Variants in ITPR2 observed in about 807,000 individuals in gnomAD.
The protein encoded by ITPR2 is inositol 1,4,5-trisphosphate receptor type 2.
In ITPR2, 207 loss-of-function variants were observed where a neutral mutation model predicts 317.1. The observed-to-expected ratio is 0.65, with a 90% CI of 0.58 to 0.73. ITPR2 has a LOEUF of 0.73. ITPR2 is among the 30% of genes least tolerant of loss of function. The pLI, the probability that ITPR2 is intolerant of heterozygous loss-of-function variation, is 0.00. For synonymous variants in ITPR2, 1,156 were observed against 1,149.1 expected (o/e 1.01, Z -0.12); for missense variants, 2,613 against 3,284.0 (o/e 0.80, Z 4.99).
intron 37 of ITPR2, among the ~76,000 whole-genome samples, chr12:26,545,234 G>T (rs903452824): frequency 1.3e-5 from 2 of 152,130 alleles, no homozygotes; most frequent in Admixed American, 1.3e-4. Flanking sequence ...TGCCAAAAGG[G>T]ATTCGGCAGG....
At chr12:26,355,738 T>A (rs1376783149) in intron 55 of ITPR2, among the ~76,000 whole-genome samples, 1 of 152,184 alleles carries the variant, frequency 6.6e-6, no homozygotes, top group East Asian at 1.9e-4. Context: ...TTTTTTCCCC[T>A]CAGTCTTTCA....
intron 37 of ITPR2, among the ~76,000 whole-genome samples, chr12:26,530,825 T>G (rs568566740): frequency 6.6e-6 from 1 of 152,362 alleles, no homozygotes; most frequent in African/African-American, 2.4e-5. Context: ...TTTCTCATTT[T>G]GAGTTGTCTT....
intron 55 of ITPR2, among the ~76,000 whole-genome samples, chr12:26,382,484 G>A (rs1362094947): frequency 1.9e-4 from 29 of 152,150 alleles, no homozygotes; most frequent in Admixed American, 1.8e-3. Flanking sequence ...GGCCAATGTG[G>A]TGAAACCCTG....
intron 13 of ITPR2, among the ~76,000 whole-genome samples, chr12:26,666,966 A>AT (rs922807551): frequency 6.6e-6 from 1 of 152,212 alleles, no homozygotes; most frequent in Admixed American, 6.5e-5. Flanking sequence ...GGGTCAAGGC[A>AT]TTTTTTAAAT....
intron 55 of ITPR2, among the ~76,000 whole-genome samples, chr12:26,361,077 T>C (rs933651767): frequency 2.0e-5 from 3 of 151,934 alleles, no homozygotes; most frequent in African/African-American, 7.3e-5. Context: ...TAGCTGGGCA[T>C]GGTAGCGAGC....
chr12:26,757,486 G>A (rs1007908456), intron 2 of ITPR2, among the ~76,000 whole-genome samples: 4 of 152,096 alleles, frequency 2.6e-5, no homozygotes, highest in Non-Finnish European at 4.4e-5. Flanking sequence ...AAAGTGCTAG[G>A]ATTACAGGCA....
chr12:26,436,409 G>C (rs1178031687), intron 47 of ITPR2, 63 bp from the exon 48 acceptor site: 2 of 1,454,938 alleles, frequency 1.4e-6, no homozygotes, highest in African/African-American at 2.9e-5. Flanking sequence ...AACACATGAA[G>C]CTTACCAAAA....
chr12:26,441,504 T>C (rs117337823), intron 46 of ITPR2, among the ~76,000 whole-genome samples: 2 of 152,182 alleles, frequency 1.3e-5, no homozygotes, highest in Non-Finnish European at 2.9e-5. Context: ...ACTAACAGAA[T>C]AACCAAACTG....
At chr12:26,787,095 G>A (rs1353735359) in intron 2 of ITPR2, among the ~76,000 whole-genome samples, 1 of 152,244 alleles carries the variant, frequency 6.6e-6, no homozygotes, top group Non-Finnish European at 1.5e-5. Context: ...GCAAAAGGAT[G>A]AGGCACTTGG....
intron 2 of ITPR2, among the ~76,000 whole-genome samples, chr12:26,788,991 C>G (rs1950301781): frequency 6.6e-6 from 1 of 152,150 alleles, no homozygotes; most frequent in South Asian, 2.1e-4. Flanking sequence ...CTACGTGTCC[C>G]CTCAAGGTAG....
rs1211818972 is a variant in ITPR2 at position 26,622,340 on chromosome 12, T to A, written c.3188A>T (p.His1063Leu). Reference protein sequence around the residue: ...GGRTFLRVLIHLIMHDYPPLL... With the variant: ...GGRTFLRVLILLIMHDYPPLL... ...AGGCGGGTAGTCGTGCATGATCAGA[T>A]GAATGAGGACCCGTAAAAACGTCCT... is the stretch of plus-strand genomic sequence containing the variant. The change falls in exon 25 of 57, where the codon CAT becomes CTT. Residue 1063 changes from histidine (H) to leucine (L), a missense_variant. His to Leu is a moderately conservative substitution (Grantham distance 99). Coordinates refer to ENST00000381340, the MANE Select transcript of ITPR2 (RefSeq NM_002223.4). 1.9e-6 allele frequency: 3 copies of A among 1,614,014 alleles called. No individual in the cohort carries two copies. In the Admixed American group the frequency reaches 5.0e-5, roughly 27 times the overall value.
chr12:26,406,229 T>A (rs768233911), intron 52 of ITPR2, among the ~76,000 whole-genome samples: 1 of 152,068 alleles, frequency 6.6e-6, no homozygotes, highest in Non-Finnish European at 1.5e-5. Context: ...AAGTAAAATA[T>A]CCAAACATAT....
At chr12:26,753,503 G>A (rs1214592753) in intron 2 of ITPR2, among the ~76,000 whole-genome samples, 1 of 152,160 alleles carries the variant, frequency 6.6e-6, no homozygotes, top group Non-Finnish European at 1.5e-5. Flanking sequence ...ACTTTTCAGT[G>A]TCACTGCAGT....
At chr12:26,534,746 G>C (rs1238866823) in intron 37 of ITPR2, among the ~76,000 whole-genome samples, 1 of 152,194 alleles carries the variant, frequency 6.6e-6, no homozygotes, top group Non-Finnish European at 1.5e-5. Context: ...ATTGTCCCTA[G>C]TTTAGATGCT....
chr12:26,665,982 A>G lies in ITPR2; in HGVS notation c.1479T>C (p.Val493=). 2 of 1,613,812 alleles carry G rather than the reference A, an allele frequency of 1.2e-6. No homozygotes were observed. The highest frequency in any genetic ancestry group is 1.7e-6 in the Non-Finnish European group (2 of 1,179,694). ...TTGGCTTAGTGATAACCACATCCAGAACTTCTTGTCCATTATTAGGCACAT... is the reference window on the plus strand; with the variant it reads ...TTGGCTTAGTGATAACCACATCCAGGACTTCTTGTCCATTATTAGGCACAT... ...VADVPNNGQE[V]LDVVITKPNR... Residue 493 remains valine, a synonymous_variant, in exon 14 of 57, where the codon GTT becomes GTC. Transcript: ENST00000381340.
intron 2 of ITPR2, among the ~76,000 whole-genome samples, chr12:26,745,423 C>G (rs1949302793): frequency 6.6e-6 from 1 of 152,222 alleles, no homozygotes; most frequent in Admixed American, 6.5e-5. Context: ...TCTGAATATT[C>G]TAACAATCCG....
At chr12:26,565,990 A>G (rs1302049617) in intron 34 of ITPR2, among the ~76,000 whole-genome samples, 2 of 45,208 alleles carry the variant, frequency 4.4e-5, no homozygotes, top group African/African-American at 9.5e-5. Flanking sequence ...AGGGGAGGGG[A>G]GAAGGAGAGG....
rs142392985 is a variant in ITPR2 at position 26,498,333 on chromosome 12, G to A, written c.5074-3073C>T. Among the ~76,000 whole-genome samples, 148 of 152,202 alleles carry A rather than the reference G, an allele frequency of 9.7e-4. 1 individual carries two copies. Among genetic ancestry groups the A allele is most frequent in the African/African-American group, 3.3e-3 (139 of 41,538 alleles). ...AGAAGAAACATAAGACATGAAAATCGTCCTTACTGTTTCTTTTTTTAAGAG... is the reference window on the plus strand; with the variant it reads ...AGAAGAAACATAAGACATGAAAATCATCCTTACTGTTTCTTTTTTTAAGAG... On this transcript the variant is annotated intron_variant, in intron 37 of 56. Coordinates refer to ENST00000381340, the MANE Select transcript of ITPR2 (RefSeq NM_002223.4).
At chr12:26,543,864 A>G (rs1428040552) in intron 37 of ITPR2, among the ~76,000 whole-genome samples, 2 of 152,162 alleles carry the variant, frequency 1.3e-5, no homozygotes, top group African/African-American at 2.4e-5. Context: ...ATATTTTTTT[A>G]AAGTACAAAT....
Sources: allele counts gnomAD v4.1 joint callset (sites outside exome capture counted in the v4.1 genomes callset), GRCh38; gene constraint gnomAD v4.1.1; transcripts MANE v1.5; gene names NCBI Gene and HGNC (gene_info 2026-07-23, HGNC 2026-07-21).